Variants in DNAJB12 observed in about 807,000 individuals in gnomAD.
DNAJB12 encodes the protein dnaJ homolog subfamily B member 12.
In DNAJB12, 14 loss-of-function variants were observed where a neutral mutation model predicts 40.6. The observed-to-expected ratio is 0.34, with a 90% CI of 0.23 to 0.54. DNAJB12 has a LOEUF of 0.54. Ranked by LOEUF, DNAJB12 falls within the 20% of genes least tolerant of loss-of-function variation. The pLI, the probability that DNAJB12 is intolerant of heterozygous loss-of-function variation, is 0.92. For synonymous variants in DNAJB12, 181 were observed against 199.5 expected, an observed-to-expected ratio of 0.91 and a Z score of 0.78; for missense variants, 444 against 501.7, an observed-to-expected ratio of 0.89 and a Z score of 1.10.
rs1227177825 is a variant in DNAJB12 at position 72,334,225 on chromosome 10, C to T, written c.*423G>A. The T allele has an allele frequency of 8.8e-6, 3 of 342,080 alleles. No individual in the cohort carries two copies. The highest frequency in any genetic ancestry group is 4.4e-5 in the African/African-American group (2 of 45,504). 21.2% of individuals were successfully genotyped at this position (342,080 alleles called of 1,614,324 possible). A position where few individuals can be genotyped will look rare whatever the true frequency, so the allele number is the denominator to read the frequency against. The stretch of plus-strand genomic sequence containing the variant: ...GGAGAGTTCTCTTTCTTCCTCCTAT[C>T]TTTGGCCAGGGCCTCTGGCTTCTCC... On this transcript the variant is annotated 3_prime_UTR_variant, in exon 9 of 9. Coordinates refer to ENST00000444643, the MANE Select transcript of DNAJB12 (RefSeq NM_017626.7).
Position 72,334,719 on chromosome 10 carries a change from C to T in DNAJB12, c.*31-102G>A, listed in dbSNP as rs141378115. On this transcript the variant is annotated intron_variant, in intron 8 of 8. Coordinates refer to ENST00000444643, the MANE Select transcript of DNAJB12 (RefSeq NM_017626.7). Reference sequence around the variant, plus strand: ...CCCCCTTGCCACTGCACCGCTGCACCGTGCTGCCCGCTCGACCCCCACCAA... The same window carrying T: ...CCCCCTTGCCACTGCACCGCTGCACTGTGCTGCCCGCTCGACCCCCACCAA... The T allele has an allele frequency of 1.0e-4, 148 of 1,419,248 alleles. 1 individual carries two copies. In the Middle Eastern group the frequency reaches 1.5e-3, roughly 14 times the overall value. The allele number at this position is 1,419,248 out of a possible 1,614,324, so 87.9% of individuals were successfully genotyped here. A position where few individuals can be genotyped will look rare whatever the true frequency, so the allele number is the denominator to read the frequency against.
rs541959224 is a variant in DNAJB12, at chr10:72,343,767, G to A, written c.312-256C>T. On this transcript the variant is annotated intron_variant, in intron 2 of 8. Transcript: ENST00000444643. ...GATTCTTGGATTTAGGAGGGCATCT[G>A]TGGGGTTCGCCAGGCCAGTATCTAT... Among the ~76,000 whole-genome samples the A allele has an allele frequency of 2.6e-3, 389 of 152,244 alleles. 1 individual carries two copies. Among genetic ancestry groups the A allele is most frequent in the Non-Finnish European group, 3.7e-3 (254 of 68,006 alleles).
intron 1 of DNAJB12, among the ~76,000 whole-genome samples, chr10:72,347,303 G>C (rs1861817088): frequency 6.6e-6 from 1 of 152,194 alleles, no homozygotes; most frequent in African/African-American, 2.4e-5. Context: ...GAGTTTAACA[G>C]ACTTGGCATG....
chr10:72,345,128 C>T lies in DNAJB12; in HGVS notation c.134-1G>A. On this transcript the variant is annotated splice_acceptor_variant, in intron 1 of 8. Coordinates refer to ENST00000444643, the MANE Select transcript of DNAJB12 (RefSeq NM_017626.7). LOFTEE classifies it high-confidence loss of function. The stretch of plus-strand genomic sequence containing the variant: ...TTCTGGTTGAGGGACTCAATCAGGG[C>T]TGTGCAAGGCAAGGAAACCATTCAG... 6.2e-7 allele frequency: 1 copy of T among 1,601,272 alleles called. No homozygotes were observed. Among genetic ancestry groups the T allele is most frequent in the Non-Finnish European group, 8.5e-7 (1 of 1,173,070 alleles).
rs1184798195 is a variant in DNAJB12, at chr10:72,340,771, G to A, written c.723+18C>T. On this transcript the variant is annotated intron_variant, in intron 5 of 8. Transcript: ENST00000444643. ...TTGGTGCCCTTCCCGCGCTGTCCCT[G>A]GCGCCCTCCTCACTCACATCACCCT... The A allele has an allele frequency of 5.6e-6, 9 of 1,612,720 alleles. No individual in the cohort carries two copies. The East Asian group carries it at 6.7e-5, about 12-fold the overall frequency.
chr10:72,345,341 C>G (rs1221289875), intron 1 of DNAJB12, among the ~76,000 whole-genome samples: 1 of 152,164 alleles, frequency 6.6e-6, no homozygotes, highest in African/African-American at 2.4e-5. Flanking sequence ...GTGGTTCACA[C>G]CTGTAATCCC....
chr10:72,340,268 C>T (rs1241647814), intron 5 of DNAJB12, among the ~76,000 whole-genome samples: 4 of 151,804 alleles, frequency 2.6e-5, no homozygotes, highest in Non-Finnish European at 5.9e-5. Flanking sequence ...GGCTTGAACC[C>T]GGGAGGCGGA....
rs376440884 is a variant in DNAJB12 at position 72,347,644 on chromosome 10, T to A, written c.134-2517A>T. ...TTGAAAACCAAGCCCGGCTGGGCGC[T>A]GTGGCTCACGCCTGTAATCCCAACA... On this transcript the variant is annotated intron_variant, in intron 1 of 8. Transcript: ENST00000444643. Among the ~76,000 whole-genome samples the A allele has an allele frequency of 4.7e-3, 722 of 152,288 alleles. 4 individuals carry two copies. Among genetic ancestry groups the A allele is most frequent in the African/African-American group, 0.016 (651 of 41,564 alleles).
At position 72,334,550 on chromosome 10, in the gene DNAJB12, C is replaced by T. The variant is rs376921588; in HGVS notation, c.*98G>A. The T allele has an allele frequency of 3.3e-6, 5 of 1,535,078 alleles. No individual in the cohort carries two copies. In the South Asian group the frequency reaches 4.8e-5, roughly 15 times the overall value. On this transcript the variant is annotated 3_prime_UTR_variant, in exon 9 of 9. Transcript: ENST00000444643. The stretch of plus-strand genomic sequence containing the variant: ...TAATTTTGTTTCTTTGTTTGTCTTT[C>T]CTCAAATATACAGTCCATCACCTTG...
intron 1 of DNAJB12, among the ~76,000 whole-genome samples, chr10:72,349,711 A>C (rs935046738): frequency 6.6e-6 from 1 of 152,164 alleles, no homozygotes; most frequent in African/African-American, 2.4e-5. Flanking sequence ...TGTACCTCTC[A>C]GAGAAGATTC....
intron 3 of DNAJB12, among the ~76,000 whole-genome samples, chr10:72,341,747 T>C (rs1015064725): frequency 1.3e-5 from 2 of 152,158 alleles, no homozygotes; most frequent in African/African-American, 4.8e-5. Flanking sequence ...GCTGGGATTA[T>C]AGACATAAGC....
chr10:72,336,389 G>T, intron 7 of DNAJB12, 135 bp downstream of exon 7: 3 of 933,538 alleles, frequency 3.2e-6, no homozygotes, highest in South Asian at 1.6e-5. Context: ...TTGTCTGGGA[G>T]GTGGCTGGTG....
At chr10:72,354,126 G>T (rs1216220415) in intron 1 of DNAJB12, 3 of 152,400 alleles carry the variant, frequency 2.0e-5, no homozygotes, top group African/African-American at 7.2e-5. Context: ...GCTGAGGTCA[G>T]CACCTCCCAC....
intron 1 of DNAJB12, among the ~76,000 whole-genome samples, chr10:72,346,438 G>A (rs942894956): frequency 2.6e-5 from 4 of 152,184 alleles, no homozygotes; most frequent in Non-Finnish European, 5.9e-5. Context: ...CAATTCTCCC[G>A]CCTCAGCCTC....
intron 6 of DNAJB12, 122 bp downstream of exon 6, chr10:72,338,080 A>G (rs765843641): frequency 6.5e-5 from 52 of 794,664 alleles, no homozygotes; most frequent in Non-Finnish European, 7.9e-5. Context: ...CTTGATTCGA[A>G]GCCAGGTTTC....
intron 1 of DNAJB12, among the ~76,000 whole-genome samples, chr10:72,351,741 A>G (rs1861941452): frequency 1.3e-5 from 2 of 152,370 alleles, no homozygotes; most frequent in East Asian, 3.9e-4. Context: ...ACTTTCCCAC[A>G]GTGACCTCAG....
chr10:72,349,253 G>A (rs964150343), intron 1 of DNAJB12, among the ~76,000 whole-genome samples: 3 of 152,132 alleles, frequency 2.0e-5, no homozygotes, highest in African/African-American at 7.2e-5. Context: ...CTGACAGAGA[G>A]TGAAGGTTCA....
Position 72,343,496 on chromosome 10 carries a change from T to C in DNAJB12, c.327A>G (p.Lys109=). 13 of 1,614,118 alleles carry C rather than the reference T, an allele frequency of 8.1e-6. No homozygotes were observed. The highest frequency in any genetic ancestry group is 1.0e-5 in the Non-Finnish European group (12 of 1,180,010). ...TCACCCCCAGGATCTCATAGTAATC[T>C]TTACATTGCTTGACCCTGGGGAAGG... ...VAAVKRVKQC[K]DYYEILGVSR... is the part of the protein sequence containing the mutation. Residue 109 remains lysine, a synonymous_variant, in exon 3 of 9, where the codon AAA becomes AAG. Transcript: ENST00000444643.
chr10:72,345,164 C>A (rs1420770837), intron 1 of DNAJB12, 37 bp from the exon 2 acceptor site: 1 of 1,561,810 alleles, frequency 6.4e-7, no homozygotes, highest in Non-Finnish European at 8.7e-7. Context: ...AGCTCCTGCT[C>A]AAGCAGGCTG....
Sources: gnomAD v4.1 joint callset for allele counts (sites outside exome capture counted in the v4.1 genomes callset) on GRCh38, gnomAD v4.1.1 for gene constraint, MANE v1.5 for transcripts, NCBI Gene and HGNC (gene_info 2026-07-23, HGNC 2026-07-21) for gene names.